PLCB4: variants seen among roughly 807,000 people sequenced by gnomAD.
PLCB4 encodes phospholipase C beta 4.
A neutral mutation model predicts 178.8 loss-of-function variants in PLCB4; 77 were observed. The observed-to-expected ratio is 0.43, with a 90% CI of 0.36 to 0.52. The LOEUF is 0.52. Among genes scored for constraint, PLCB4 ranks in the 20% least tolerant of loss-of-function variants. The pLI, the probability that PLCB4 is intolerant of heterozygous loss-of-function variation, is 0.00. For synonymous variants in PLCB4, 496 were observed against 490.8 expected, an observed-to-expected ratio of 1.01 and a Z score of -0.14; for missense variants, 1,024 against 1,453.4, an observed-to-expected ratio of 0.70 and a Z score of 4.80.
intron 10 of PLCB4, among the ~76,000 whole-genome samples, chr20:9,371,744 G>C (rs141345888): frequency 6.6e-6 from 1 of 151,994 alleles, no homozygotes. Context: ...ATCTCTCCCC[G>C]CACCATTTGT....
intron 3 of PLCB4, among the ~76,000 whole-genome samples, chr20:9,222,415 T>G (rs2093811360): frequency 6.6e-6 from 1 of 151,794 alleles, no homozygotes; most frequent in Non-Finnish European, 1.5e-5. Context: ...TTCGATTCAG[T>G]ACAGCACAAA....
chr20:9,386,169 C>T lies in PLCB4; in HGVS notation c.1065-1294C>T, dbSNP rs986693619. Reference sequence around the variant, plus strand: ...TTGGCAGGCCGAGGCAGGAGAACCACGGAAGTCCGGGGCAGGGAGGCTGCA... The same window carrying T: ...TTGGCAGGCCGAGGCAGGAGAACCATGGAAGTCCGGGGCAGGGAGGCTGCA... On this transcript the variant is annotated intron_variant, in intron 14 of 39. Transcript: ENST00000378473. 2.7e-5 allele frequency among the ~76,000 whole-genome samples: 4 copies of T among 150,838 alleles called. No homozygotes were observed. In the South Asian group the frequency reaches 6.3e-4, roughly 24 times the overall value.
At chr20:9,470,909 A>T (rs2122640694) in intron 36 of PLCB4, among the ~76,000 whole-genome samples, 1 of 152,294 alleles carries the variant, frequency 6.6e-6, no homozygotes. Flanking sequence ...TTAAAAAATA[A>T]TTTTTCTATA....
chr20:9,105,712 G>C (rs1048148006), intron 2 of PLCB4, among the ~76,000 whole-genome samples: 1 of 151,986 alleles, frequency 6.6e-6, no homozygotes, highest in African/African-American at 2.4e-5. Context: ...GTAGGAAAAA[G>C]ATTAATTACT....
rs1199072190 is a variant in PLCB4, at chr20:9,069,937, T to G, written c.-135+731T>G. 3.0e-4 allele frequency among the ~76,000 whole-genome samples: 46 copies of G among 152,310 alleles called. 1 individual carries two copies. Among genetic ancestry groups the G allele is most frequent in the Admixed American group, 3.0e-3 (46 of 15,302 alleles). Reference sequence around the variant, plus strand: ...TGAAAGATGACCCTACTCTTCCAACTTTTTTTCCTCTTAACTTCTGTAGTG... The same window carrying G: ...TGAAAGATGACCCTACTCTTCCAACGTTTTTTCCTCTTAACTTCTGTAGTG... On this transcript the variant is annotated intron_variant, in intron 1 of 39. Coordinates refer to ENST00000378473, the MANE Select transcript of PLCB4 (RefSeq NM_001377142.1).
chr20:9,297,382 G>T (rs1290967033), intron 3 of PLCB4, among the ~76,000 whole-genome samples: 2 of 151,948 alleles, frequency 1.3e-5, no homozygotes, highest in East Asian at 3.9e-4. Flanking sequence ...GGGTCAGAGT[G>T]GGGTGAGGGA....
At chr20:9,338,495 C>T (rs1192694917) in intron 6 of PLCB4, among the ~76,000 whole-genome samples, 4 of 152,206 alleles carry the variant, frequency 2.6e-5, no homozygotes, top group South Asian at 2.1e-4. Context: ...GCCTGGGCAA[C>T]ATAGTGCAAC....
chr20:9,459,842 C>A (rs373289558), intron 35 of PLCB4, 32 bp downstream of exon 35: 31 of 1,487,996 alleles, frequency 2.1e-5, no homozygotes, highest in Non-Finnish European at 2.5e-5. Context: ...GAGTAAACAT[C>A]TAATATTTAA....
intron 28 of PLCB4, among the ~76,000 whole-genome samples, chr20:9,428,635 CCTTT>C (rs2041191301): frequency 1.3e-5 from 2 of 152,126 alleles, no homozygotes; most frequent in Admixed American, 1.3e-4. Flanking sequence ...TTGGGATTTG[CCTTT>C]CTTTATCAGC....
intron 18 of PLCB4, among the ~76,000 whole-genome samples, chr20:9,393,909 T>C (rs180846208): frequency 1.4e-4 from 22 of 152,276 alleles, no homozygotes; most frequent in Non-Finnish European, 4.4e-5. Flanking sequence ...ATGCCAGAAT[T>C]TGGAGAGGGC....
chr20:9,158,576 C>G (rs757462935), intron 2 of PLCB4, among the ~76,000 whole-genome samples: 18 of 149,106 alleles, frequency 1.2e-4, no homozygotes, highest in Non-Finnish European at 1.9e-4. Context: ...GCCACTCTCA[C>G]GTTTTTTTTT....
chr20:9,409,424 TCCTGCTAA>T, intron 24 of PLCB4, among the ~76,000 whole-genome samples: 1 of 152,332 alleles, frequency 6.6e-6, no homozygotes, highest in Middle Eastern at 3.4e-3. Context: ...CCATGACTAT[TCCTGCTAA>T]CCATTATCCC....
At chr20:9,300,314 A>C (rs536763497) in intron 3 of PLCB4, among the ~76,000 whole-genome samples, 11 of 152,192 alleles carry the variant, frequency 7.2e-5, no homozygotes, top group African/African-American at 1.9e-4. Context: ...GTATGGTTGG[A>C]TGGGGAAGGG....
At chr20:9,098,531 G>A (rs2091006051) in intron 2 of PLCB4, among the ~76,000 whole-genome samples, 1 of 151,810 alleles carries the variant, frequency 6.6e-6, no homozygotes, top group Non-Finnish European at 1.5e-5. Flanking sequence ...AGCTGCATGG[G>A]TGACAGAGCC....
intron 21 of PLCB4, among the ~76,000 whole-genome samples, chr20:9,406,603 C>G (rs1258773425): frequency 6.6e-6 from 1 of 151,820 alleles, no homozygotes; most frequent in East Asian, 1.9e-4. Flanking sequence ...ATTCGCCATT[C>G]TCCTGCCTCA....
intron 2 of PLCB4, among the ~76,000 whole-genome samples, chr20:9,120,739 T>C (rs1370993608): frequency 1.0e-5 from 1 of 95,740 alleles, no homozygotes; most frequent in Non-Finnish European, 2.7e-5. Context: ...TCCATGGGTT[T>C]CCACGGCCAG....
At chr20:9,401,611 A>G (rs770425379) in intron 20 of PLCB4, 21 bp downstream of exon 20, 3 of 1,488,210 alleles carry the variant, frequency 2.0e-6, no homozygotes, top group Non-Finnish European at 2.8e-6. Context: ...CCTTTCTTTC[A>G]TCACTCTCAA....
chr20:9,310,727 A>G (rs2094823471), intron 4 of PLCB4, among the ~76,000 whole-genome samples: 1 of 152,174 alleles, frequency 6.6e-6, no homozygotes, highest in African/African-American at 2.4e-5. Context: ...ATAAAAAAAA[A>G]TAAATAAAAA....
chr20:9,339,847 T>C (rs2032970472), intron 7 of PLCB4, among the ~76,000 whole-genome samples: 1 of 152,188 alleles, frequency 6.6e-6, no homozygotes, highest in South Asian at 2.1e-4. Context: ...CAGCATACCA[T>C]TGCCCTGGCA....
Sources: gnomAD v4.1 joint callset for allele counts (sites outside exome capture counted in the v4.1 genomes callset) on GRCh38, gnomAD v4.1.1 for gene constraint, MANE v1.5 for transcripts, NCBI Gene and HGNC (gene_info 2026-07-23, HGNC 2026-07-21) for gene names.